The following TBCD variants were observed in gnomAD, a reference collection of about 807,000 sequenced individuals.
TBCD encodes tubulin-specific chaperone D.
TBCD carries 105 observed loss-of-function variants against 169.3 expected under a neutral mutation model. The ratio of observed to expected loss-of-function variants is 0.62; its 90% CI spans 0.53 to 0.73. The LOEUF is 0.73. Ranked by LOEUF, TBCD falls within the 30% of genes least tolerant of loss-of-function variation. TBCD has a pLI of 0.00. For synonymous variants in TBCD, 700 were observed against 643.9 expected (o/e 1.09, Z -1.32); for missense variants, 1,444 against 1,600.1 (o/e 0.90, Z 1.66).
chr17:82,770,188 T>C (rs1469899314), intron 5 of TBCD, among the ~76,000 whole-genome samples: 1 of 152,228 alleles, frequency 6.6e-6, no homozygotes, highest in Non-Finnish European at 1.5e-5. Context: ...TGTCTTACGA[T>C]GTCAGAAAGT....
chr17:82,904,417 A>G (rs1033579956), intron 19 of TBCD, among the ~76,000 whole-genome samples: 3 of 152,166 alleles, frequency 2.0e-5, no homozygotes, highest in Non-Finnish European at 4.4e-5. Context: ...ACGTGAATGC[A>G]CTTTGGAATT....
At chr17:82,867,131 G>T (rs1316490502) in intron 13 of TBCD, among the ~76,000 whole-genome samples, 1 of 152,172 alleles carries the variant, frequency 6.6e-6, no homozygotes. Context: ...CCGAGGTCAG[G>T]TCCTGGGGGT....
intron 20 of TBCD, 99 bp from the exon 21 acceptor site, chr17:82,907,662 G>A: frequency 7.5e-7 from 1 of 1,332,800 alleles, no homozygotes; most frequent in African/African-American, 1.4e-5. Context: ...GTGTACTTGG[G>A]GTTAGGGTCT....
At chr17:82,781,270 C>G (rs2144285507) in intron 6 of TBCD, among the ~76,000 whole-genome samples, 1 of 60,468 alleles carries the variant, frequency 1.7e-5, no homozygotes, top group Non-Finnish European at 3.1e-5. Flanking sequence ...CAGGGGCTCC[C>G]TGGCGGTGAT....
chr17:82,938,039 C>G lies in TBCD; in HGVS notation c.3282-10C>G. The G allele has an allele frequency of 1.2e-6, 2 of 1,612,892 alleles. No homozygotes were observed. The highest frequency in any genetic ancestry group is 1.7e-6 in the Non-Finnish European group (2 of 1,179,700). On this transcript the variant is annotated splice_polypyrimidine_tract_variant and intron_variant, in intron 35 of 38. Transcript: ENST00000355528. ...GGGGCTCACCTGGAGCCATGTGCTG[C>G]TCCCGGCAGGTTCTGCGAGATGGTG...
intron 13 of TBCD, among the ~76,000 whole-genome samples, chr17:82,843,279 C>CG: frequency 7.9e-6 from 1 of 127,292 alleles, no homozygotes; most frequent in Admixed American, 8.2e-5. Context: ...GTTCCCTTCC[C>CG]TTCCCCTCCC....
intron 13 of TBCD, chr17:82,830,003 GT>G: frequency 3.0e-6 from 4 of 1,328,062 alleles, no homozygotes; most frequent in South Asian, 1.4e-5. Flanking sequence ...TTTTTTGTTT[GT>G]TTGTTTGTTT....
At chr17:82,797,918 G>A in intron 8 of TBCD, 116 bp downstream of exon 8, 1 of 521,846 alleles carries the variant, frequency 1.9e-6, no homozygotes, top group Non-Finnish European at 2.9e-6. Context: ...TGGTATGTTT[G>A]GACACTATCG....
intron 6 of TBCD, among the ~76,000 whole-genome samples, chr17:82,780,627 A>G (rs2048882272): frequency 6.7e-6 from 1 of 150,178 alleles, no homozygotes; most frequent in African/African-American, 2.4e-5. Context: ...TCCATCTCAA[A>G]AAAAAGGAAG....
At chr17:82,898,962 C>T (rs1191549271) in intron 17 of TBCD, among the ~76,000 whole-genome samples, 1 of 152,258 alleles carries the variant, frequency 6.6e-6, no homozygotes, top group Non-Finnish European at 1.5e-5. Context: ...ACGGCCAACA[C>T]TCCTTCCCCC....
intron 8 of TBCD, among the ~76,000 whole-genome samples, chr17:82,798,646 G>A (rs1476114510): frequency 6.6e-6 from 1 of 152,192 alleles, no homozygotes; most frequent in East Asian, 1.9e-4. Flanking sequence ...TCTGGGCAAA[G>A]CCCGTGTCAT....
At chr17:82,927,601 C>T (rs557614466) in intron 29 of TBCD, among the ~76,000 whole-genome samples, 6 of 152,222 alleles carry the variant, frequency 3.9e-5, no homozygotes, top group Admixed American at 6.5e-5. Flanking sequence ...GAAAGGCTGC[C>T]GGCTGCTTAC....
rs909710870 is a variant in TBCD, at chr17:82,806,342, C to A, written c.1087+331C>A. 1.3e-5 allele frequency among the ~76,000 whole-genome samples: 2 copies of A among 152,128 alleles called. No individual in the cohort carries two copies. The highest frequency in any genetic ancestry group is 4.8e-5 in the African/African-American group (2 of 41,416). Reference sequence around the variant, plus strand: ...GAGTTGGGGTCCCTGGGGCTCAGGTCTCTGGCTCCTTGGCCCCTAAACCCT... The same window carrying A: ...GAGTTGGGGTCCCTGGGGCTCAGGTATCTGGCTCCTTGGCCCCTAAACCCT... On this transcript the variant is annotated intron_variant, in intron 10 of 38. Coordinates refer to ENST00000355528, the MANE Select transcript of TBCD (RefSeq NM_005993.5). This position sits in a 1 kb window ranked among gnomAD's most constrained non-coding sequence, Gnocchi z 5.1.
intron 23 of TBCD, among the ~76,000 whole-genome samples, chr17:82,919,216 G>A (rs1179257399): frequency 4.6e-5 from 7 of 152,132 alleles, no homozygotes; most frequent in African/African-American, 1.7e-4. Context: ...GGTCCCAGCA[G>A]CCCCTCGCTG....
intron 6 of TBCD, among the ~76,000 whole-genome samples, chr17:82,773,403 A>G (rs187686093): frequency 6.6e-6 from 1 of 152,348 alleles, no homozygotes; most frequent in East Asian, 1.9e-4. Flanking sequence ...CCGAGAGGGC[A>G]GAGGCTGCTT....
At chr17:82,900,892 TGA>T (rs2059843958) in intron 18 of TBCD, among the ~76,000 whole-genome samples, 161 bp downstream of exon 18, 1 of 152,264 alleles carries the variant, frequency 6.6e-6, no homozygotes, top group South Asian at 2.1e-4. Flanking sequence ...CCGGATGTGT[TGA>T]GTCATGGTCT....
chr17:82,929,615 C>T (rs1337880480), intron 32 of TBCD, 115 bp downstream of exon 32: 1 of 1,422,276 alleles, frequency 7.0e-7, no homozygotes, highest in Non-Finnish European at 9.6e-7. Context: ...CTTTCTATCT[C>T]TCTCGGGCAT....
intron 1 of TBCD, among the ~76,000 whole-genome samples, chr17:82,753,923 A>G (rs1187963613): frequency 7.0e-6 from 1 of 142,776 alleles, no homozygotes; most frequent in African/African-American, 2.7e-5. Context: ...GGTGGAGTGC[A>G]GTGATGAGAT....
chr17:82,918,123 G>A (rs544520813), intron 23 of TBCD, among the ~76,000 whole-genome samples: 6 of 152,330 alleles, frequency 3.9e-5, no homozygotes, highest in East Asian at 3.9e-4. Flanking sequence ...CGGTGACTCC[G>A]GGTATGACAG....
Sources: allele counts gnomAD v4.1 joint callset (sites outside exome capture counted in the v4.1 genomes callset), GRCh38; gene constraint gnomAD v4.1.1; non-coding constraint Gnocchi (gnomAD v3.1); transcripts MANE v1.5; gene names NCBI Gene and HGNC (gene_info 2026-07-23, HGNC 2026-07-21).